DTX2: variants seen among roughly 807,000 people sequenced by gnomAD.
DTX2 encodes deltex E3 ubiquitin ligase 2, also known as probable E3 ubiquitin-protein ligase DTX2.
In DTX2, 29 loss-of-function variants were observed where a neutral mutation model predicts 55.3. The ratio of observed to expected loss-of-function variants is 0.52; its 90% CI spans 0.39 to 0.71. The LOEUF (loss-of-function observed/expected upper bound fraction) is 0.71. Ranked by LOEUF, DTX2 falls within the 30% of genes least tolerant of loss-of-function variation. The pLI is 0.00. For synonymous variants in DTX2, 276 were observed against 340.4 expected (o/e 0.81, Z 2.08); for missense variants, 537 against 822.5 (o/e 0.65, Z 4.25).
At chr7:76,503,399 T>G (rs759179506) in intron 8 of DTX2, 27 bp from the exon 9 acceptor site, 2 of 1,606,668 alleles carry the variant, frequency 1.2e-6, no homozygotes, top group Admixed American at 3.4e-5. Flanking sequence ...GACTGCCAGC[T>G]CAGTGGGTTG....
chr7:76,482,653 G>A lies in DTX2; in HGVS notation c.414G>A (p.Arg138=), dbSNP rs1809381280. The change falls in exon 4 of 11, where the codon AGG becomes AGA. Residue 138 remains arginine, a synonymous_variant. Transcript: ENST00000430490. ...ACTATCTGGAGCAGCAGGTGGCCAG[G>A]GGCAACCAGCTCGTGGACTTGGCCC... ...VCDYLEQQVA[R]GNQLVDLAPL... is the part of the protein sequence containing the mutation. 12 of 1,613,832 alleles carry A rather than the reference G, an allele frequency of 7.4e-6. No homozygotes were observed. The highest frequency in any genetic ancestry group is 1.0e-5 in the Non-Finnish European group (12 of 1,179,812).
At position 76,482,707 on chromosome 7, in the gene DTX2, C is replaced by T. The variant is rs752744436; in HGVS notation, c.468C>T (p.Tyr156=). 1.4e-5 allele frequency: 23 copies of T among 1,613,806 alleles called. No individual in the cohort carries two copies. In the Middle Eastern group the frequency reaches 9.9e-4, roughly 70 times the overall value. The change falls in exon 4 of 11, where the codon TAC becomes TAT. Residue 156 remains tyrosine (Y), a synonymous_variant. Coordinates refer to ENST00000430490, the MANE Select transcript of DTX2 (RefSeq NM_001102594.3). ...TGGGGTACAACTACACTGTCAACTA[C>T]ACCACCCACACGCAGACCAACAAGA... ...APLGYNYTVN[Y]TTHTQTNKTS... is the part of the protein sequence containing the mutation.
chr7:76,491,553 G>C (rs1270893695), intron 4 of DTX2, among the ~76,000 whole-genome samples: 2 of 89,166 alleles, frequency 2.2e-5, no homozygotes, highest in Non-Finnish European at 4.6e-5. Context: ...AAAGTGCTGG[G>C]ATTTCAGGCG....
intron 2 of DTX2, among the ~76,000 whole-genome samples, chr7:76,473,126 C>T (rs1219730759): frequency 6.6e-6 from 1 of 152,012 alleles, no homozygotes; most frequent in Non-Finnish European, 1.5e-5. Flanking sequence ...CCACCATGCT[C>T]AGCCGCTGAT....
chr7:76,476,508 G>A (rs1808557609), intron 2 of DTX2, among the ~76,000 whole-genome samples: 1 of 151,864 alleles, frequency 6.6e-6, no homozygotes, highest in Non-Finnish European at 1.5e-5. Flanking sequence ...CTGTTTTGGT[G>A]GGGAGAAGGC....
intron 6 of DTX2, among the ~76,000 whole-genome samples, chr7:76,499,515 C>G (rs1338521594): frequency 6.6e-6 from 1 of 151,678 alleles, no homozygotes; most frequent in African/African-American, 2.4e-5. Flanking sequence ...ACCAGAGCCC[C>G]TTCTGGTCCT....
At chr7:76,480,243 T>A (rs1345554793) in intron 2 of DTX2, among the ~76,000 whole-genome samples, 178 bp from the exon 3 acceptor site, 1 of 148,082 alleles carries the variant, frequency 6.8e-6, no homozygotes, top group African/African-American at 2.5e-5. Context: ...AGTTTGAGGC[T>A]GCTGTGAGCC....
intron 4 of DTX2, among the ~76,000 whole-genome samples, chr7:76,486,884 C>CTGCTACTGCTGCTGCTGCTGCTTT: frequency 6.7e-6 from 1 of 149,230 alleles, no homozygotes; most frequent in South Asian, 2.2e-4. Flanking sequence ...GCTGCTGCTG[C>CTGCTACTGCTGCTGCTGCTGCTTT]TGCCCTTGCC....
intron 4 of DTX2, among the ~76,000 whole-genome samples, chr7:76,491,358 G>A (rs1333746739): frequency 3.6e-5 from 5 of 137,248 alleles, no homozygotes; most frequent in East Asian, 4.3e-4. Flanking sequence ...GCAGTGGCAC[G>A]GTCTCAGCAA....
intron 4 of DTX2, among the ~76,000 whole-genome samples, chr7:76,489,845 G>A (rs1810236277): frequency 7.3e-6 from 1 of 136,924 alleles, no homozygotes; most frequent in Admixed American, 7.6e-5. Flanking sequence ...GACCAAATGA[G>A]TGACTTGAAC....
chr7:76,503,621 C>T, intron 9 of DTX2, 34 bp downstream of exon 9: 1 of 1,582,674 alleles, frequency 6.3e-7, no homozygotes, highest in Non-Finnish European at 8.6e-7. Context: ...CACTCCTGGC[C>T]ACTCCTCTTC....
chr7:76,475,573 A>G (rs1302852441), intron 2 of DTX2, among the ~76,000 whole-genome samples: 5 of 127,562 alleles, frequency 3.9e-5, no homozygotes, highest in Admixed American at 7.8e-5. Context: ...TGTAATCCCA[A>G]CTACTTGGGA....
chr7:76,482,337 G>A (rs1809320697), intron 3 of DTX2, among the ~76,000 whole-genome samples, 171 bp from the exon 4 acceptor site: 1 of 151,902 alleles, frequency 6.6e-6, no homozygotes, highest in Non-Finnish European at 1.5e-5. Context: ...TGCAGCCTGG[G>A]CGACAAAGGG....
rs368550154 is a variant in DTX2 at position 76,503,607 on chromosome 7, C to G, written c.1551+20C>G. The stretch of plus-strand genomic sequence containing the variant: ...ATCCAGGTGAGGGGCCTTCTTGAGT[C>G]CCCCACTCCTGGCCACTCCTCTTCC... On this transcript the variant is annotated intron_variant, in intron 9 of 10. Transcript: ENST00000430490. 12 of 1,599,972 alleles carry G rather than the reference C, an allele frequency of 7.5e-6. No individual in the cohort carries two copies. Among genetic ancestry groups the G allele is most frequent in the East Asian group, 4.5e-5 (2 of 44,610 alleles).
intron 2 of DTX2, among the ~76,000 whole-genome samples, chr7:76,468,006 T>C (rs1229864730): frequency 1.3e-5 from 2 of 152,222 alleles, no homozygotes; most frequent in African/African-American, 4.8e-5. Context: ...CAGCTTTGGG[T>C]GATCTGTATG....
In DTX2 at chr7:76,505,256, A is replaced by G; in HGVS notation, c.1642-118A>G. 6.0e-6 allele frequency: 5 copies of G among 836,022 alleles called. No individual in the cohort carries two copies. Among genetic ancestry groups the G allele is most frequent in the Admixed American group, 2.2e-5 (1 of 46,072 alleles). 51.8% of individuals were successfully genotyped at this position (836,022 alleles called of 1,614,324 possible). Reference sequence around the variant, plus strand: ...AGATGGGGTGAGTGCCAGGGAGTGGATGAGTCACCTGGGAGGGGCTGGGAT... The same window carrying G: ...AGATGGGGTGAGTGCCAGGGAGTGGGTGAGTCACCTGGGAGGGGCTGGGAT... On this transcript the variant is annotated intron_variant, in intron 10 of 10. Transcript: ENST00000430490. This position sits in a 1 kb window ranked among gnomAD's most constrained non-coding sequence, Gnocchi z 4.4.
At position 76,482,734 on chromosome 7, in the gene DTX2, T is replaced by C; in HGVS notation, c.495T>C (p.Thr165=). 1 of 1,613,838 alleles carries C rather than the reference T, an allele frequency of 6.2e-7. No homozygotes were observed. The highest frequency in any genetic ancestry group is 1.1e-5 in the South Asian group (1 of 91,074). Residue 165 remains threonine, a synonymous_variant, in exon 4 of 11, where the codon ACT becomes ACC. Coordinates refer to ENST00000430490, the MANE Select transcript of DTX2 (RefSeq NM_001102594.3). ...CCACCCACACGCAGACCAACAAGAC[T>C]TCCAGCTTCTGCCGCAGCGTGCGGC... ...NYTTHTQTNK[T]SSFCRSVRRQ...
In DTX2 at chr7:76,501,124, T is replaced by A. The variant is rs1403376185; in HGVS notation, c.1230+604T>A. The stretch of plus-strand genomic sequence containing the variant: ...AGCACCACTTTCCCCTGATTTTAGC[T>A]GGGAGCCCTGGAGATACTGTTGGGG... On this transcript the variant is annotated intron_variant, in intron 7 of 10. Coordinates refer to ENST00000430490, the MANE Select transcript of DTX2 (RefSeq NM_001102594.3). 9.5e-6 allele frequency: 3 copies of A among 314,586 alleles called. No individual in the cohort carries two copies. The African/African-American group carries it at 9.7e-5, about 10-fold the overall frequency. 19.5% of individuals were successfully genotyped at this position (314,586 alleles called of 1,614,324 possible).
intron 2 of DTX2, among the ~76,000 whole-genome samples, chr7:76,471,694 C>T (rs1451594434): frequency 6.6e-6 from 1 of 150,684 alleles, no homozygotes; most frequent in Non-Finnish European, 1.5e-5. Flanking sequence ...CTGCACCAGG[C>T]CTGCTATTAC....
Sources: gnomAD v4.1 joint callset for allele counts (sites outside exome capture counted in the v4.1 genomes callset) on GRCh38, gnomAD v4.1.1 for gene constraint, Gnocchi (gnomAD v3.1) non-coding constraint, MANE v1.5 for transcripts, NCBI Gene and HGNC (gene_info 2026-07-23, HGNC 2026-07-21) for gene names.